Variants in DET1 observed in about 807,000 individuals in gnomAD.
DET1 encodes DET1 partner of COP1 E3 ubiquitin ligase.
In DET1, 22 loss-of-function variants were observed where a neutral mutation model predicts 43.7. The ratio of observed to expected loss-of-function variants is 0.50; its 90% confidence interval spans 0.36 to 0.72. The LOEUF (loss-of-function observed/expected upper bound fraction) is 0.72, where lower values mean the gene tolerates loss of function less well. Among genes scored for constraint, DET1 ranks in the 30% least tolerant of loss-of-function variants. DET1 has a pLI of 0.00. For synonymous variants in DET1, 315 were observed against 266.2 expected (o/e 1.18, Z -1.79); for missense variants, 713 against 713.3 (o/e 1.00, Z 0.00).
Position 88,530,740 on chromosome 15 carries a change from A to G in DET1, c.966T>C (p.Tyr322=). ...SAMAKRRFFQ[Y]FDQLRQLRMW... is the part of the protein sequence containing the mutation. ...TTCGCAGCTGCCGCAGTTGGTCAAA[A>G]TACTGGAAGAAGCGCCTCTTGGCCA... The change falls in exon 2 of 5, where the codon TAT becomes TAC. Residue 322 remains tyrosine (Y), a synonymous_variant. Coordinates refer to ENST00000268148, the MANE Select transcript of DET1 (RefSeq NM_001144074.3). 2 of 1,614,018 alleles carry G rather than the reference A, an allele frequency of 1.2e-6. No homozygotes were observed. Among genetic ancestry groups the G allele is most frequent in the South Asian group, 2.2e-5 (2 of 91,078 alleles).
At chr15:88,520,365 C>G (rs2056456984) in intron 3 of DET1, among the ~76,000 whole-genome samples, 1 of 152,220 alleles carries the variant, frequency 6.6e-6, no homozygotes, top group Admixed American at 6.5e-5. Flanking sequence ...GGCTTTCACC[C>G]CTACTATCTC....
intron 8 of DET1, chr15:88,503,662 T>C (rs1327590148): frequency 6.6e-6 from 1 of 152,220 alleles, no homozygotes; most frequent in South Asian, 2.1e-4. Context: ...GTGTTGGCTA[T>C]ATATTGCTAC....
At chr15:88,514,827 A>G (rs964857447) in intron 4 of DET1, among the ~76,000 whole-genome samples, 3 of 152,198 alleles carry the variant, frequency 2.0e-5, no homozygotes, top group African/African-American at 7.2e-5. Context: ...ATTTTAAATT[A>G]AAAATATAAA....
intron 1 of DET1, among the ~76,000 whole-genome samples, chr15:88,539,646 T>C (rs2057051081): frequency 6.6e-6 from 1 of 152,148 alleles, no homozygotes; most frequent in Non-Finnish European, 1.5e-5. Context: ...TTAGTGCTGA[T>C]TTTTTTGTCA....
Position 88,512,898 on chromosome 15 carries a change from T to C in DET1, c.*53A>G. 2 of 1,595,040 alleles carry C rather than the reference T, an allele frequency of 1.3e-6. No homozygotes were observed. Among genetic ancestry groups the C allele is most frequent in the East Asian group, 2.2e-5 (1 of 44,614 alleles). ...GCTTTTGCTTTGGAGTCCACTGAGA[T>C]AAGTGAGTGGCAAAGTCTTGGAAGA... On this transcript the variant is annotated 3_prime_UTR_variant, in exon 5 of 5. Coordinates refer to ENST00000268148, the MANE Select transcript of DET1 (RefSeq NM_001144074.3).
intron 1 of DET1, among the ~76,000 whole-genome samples, chr15:88,541,367 G>A (rs970078211): frequency 7.9e-5 from 12 of 151,540 alleles, no homozygotes; most frequent in African/African-American, 2.9e-4. Context: ...GGAACTCAGA[G>A]GCTGGCGGGA....
Position 88,512,865 on chromosome 15 carries a change from A to C in DET1, c.*86T>G. The C allele has an allele frequency of 6.5e-7, 1 of 1,545,292 alleles. No individual in the cohort carries two copies. Among genetic ancestry groups the C allele is most frequent in the African/African-American group, 1.4e-5 (1 of 73,928 alleles). Reference sequence around the variant, plus strand: ...GCAGGCTGGAACTAACAGAGCTAGTAGTCGGGAGCTTTTGCTTTGGAGTCC... The same window carrying C: ...GCAGGCTGGAACTAACAGAGCTAGTCGTCGGGAGCTTTTGCTTTGGAGTCC... On this transcript the variant is annotated 3_prime_UTR_variant, in exon 5 of 5. Coordinates refer to ENST00000268148, the MANE Select transcript of DET1 (RefSeq NM_001144074.3).
At chr15:88,511,391 C>T (rs1469812106), downstream of DET1, 7 of 985,146 alleles carry the variant, frequency 7.1e-6, no homozygotes, top group Middle Eastern at 1.0e-3. Flanking sequence ...TTCCCATCTC[C>T]CTCACCCCAG....
At chr15:88,533,254 G>A (rs2056862858) in intron 1 of DET1, among the ~76,000 whole-genome samples, 1 of 152,104 alleles carries the variant, frequency 6.6e-6, no homozygotes, top group South Asian at 2.1e-4. Flanking sequence ...ACACCCATTA[G>A]AACGACTGCT....
chr15:88,510,856 C>T (rs908732508), downstream of DET1, among the ~76,000 whole-genome samples: 13 of 150,552 alleles, frequency 8.6e-5, no homozygotes, highest in Non-Finnish European at 1.5e-4. Context: ...CTCACTCAAG[C>T]CCCACCTCCC....
rs575987580 is a variant in DET1 at position 88,527,476 on chromosome 15, A to G, written c.1271+123T>C. On this transcript the variant is annotated intron_variant, in intron 3 of 4. Coordinates refer to ENST00000268148, the MANE Select transcript of DET1 (RefSeq NM_001144074.3). ...AGTTCAGGAAGAAACAAGGGGTTAT[A>G]ATAAGCAGAATAACCAAAGCTATGT... is the stretch of plus-strand genomic sequence containing the variant. 2.1e-4 allele frequency: 178 copies of G among 832,786 alleles called. 2 individuals carry two copies. In the African/African-American group the frequency reaches 2.8e-3, roughly 13 times the overall value. 51.6% of individuals were successfully genotyped at this position (832,786 alleles called of 1,614,324 possible).
intron 1 of DET1, among the ~76,000 whole-genome samples, chr15:88,544,989 C>A (rs976020850): frequency 6.6e-6 from 1 of 152,066 alleles, no homozygotes; most frequent in Admixed American, 6.6e-5. Context: ...GCCAAAGGTG[C>A]AGAAAAAGAA....
chr15:88,510,756 T>C (rs1348264093), downstream of DET1, among the ~76,000 whole-genome samples: 3 of 150,650 alleles, frequency 2.0e-5, no homozygotes, highest in African/African-American at 7.3e-5. Context: ...TTGTTGTTGT[T>C]TTGTTTTTTT....
downstream of DET1, among the ~76,000 whole-genome samples, chr15:88,510,285 CA>C (rs1167186815): frequency 1.5e-4 from 23 of 152,208 alleles, no homozygotes; most frequent in East Asian, 3.3e-3. Context: ...GAGGAAAGTG[CA>C]AATTAAGTTT....
At chr15:88,523,218 G>C (rs187274456) in intron 3 of DET1, among the ~76,000 whole-genome samples, 1 of 151,840 alleles carries the variant, frequency 6.6e-6, no homozygotes, top group Admixed American at 6.5e-5. Context: ...GTTTTGTGTT[G>C]GTCACTTTTA....
chr15:88,543,366 G>C (rs1341323959), intron 1 of DET1, among the ~76,000 whole-genome samples: 1 of 152,218 alleles, frequency 6.6e-6, no homozygotes, highest in Non-Finnish European at 1.5e-5. Context: ...TTACTACAAA[G>C]TGCTTCAGGT....
intron 1 of DET1, among the ~76,000 whole-genome samples, chr15:88,534,226 TAA>T (rs1037666702): frequency 6.6e-6 from 1 of 152,162 alleles, no homozygotes; most frequent in African/African-American, 2.4e-5. Flanking sequence ...TCACAGGCCA[TAA>T]AAGTCAACGG....
At chr15:88,515,039 G>A (rs2142259100) in intron 4 of DET1, among the ~76,000 whole-genome samples, 1 of 151,986 alleles carries the variant, frequency 6.6e-6, no homozygotes, top group East Asian at 1.9e-4. Context: ...AAACACAAAG[G>A]GATTATAATT....
chr15:88,526,186 T>C (rs2056658195), intron 3 of DET1, among the ~76,000 whole-genome samples: 1 of 152,138 alleles, frequency 6.6e-6, no homozygotes, highest in African/African-American at 2.4e-5. Flanking sequence ...TGTAATTGAG[T>C]ACTATCTTTT....
Sources: allele counts gnomAD v4.1 joint callset (sites outside exome capture counted in the v4.1 genomes callset), GRCh38; gene constraint gnomAD v4.1.1; transcripts MANE v1.5; gene names NCBI Gene and HGNC (gene_info 2026-07-23, HGNC 2026-07-21).